The following XRCC4 variants were observed in gnomAD, a reference collection of about 807,000 sequenced individuals.
The protein encoded by XRCC4 is X-ray repair cross complementing 4, also known as DNA repair protein XRCC4.
In XRCC4, 28 loss-of-function variants were observed where a neutral mutation model predicts 39.1. The observed-to-expected ratio is 0.72, with a 90% CI of 0.53 to 0.98. The LOEUF (loss-of-function observed/expected upper bound fraction) is 0.98. Among genes scored for constraint, XRCC4 ranks in the 50% least tolerant of loss-of-function variants. The probability of loss-of-function intolerance (pLI) is 0.00; values close to 1 mark genes in which losing one functional copy is unlikely to be tolerated. For missense variants in XRCC4, 350 were observed against 376.4 expected, an observed-to-expected ratio of 0.93 and a Z score of 0.58; for synonymous variants, 123 against 126.4, an observed-to-expected ratio of 0.97 and a Z score of 0.18.
At chr5:83,212,699 A>G (rs1050140167) in intron 6 of XRCC4, among the ~76,000 whole-genome samples, 1 of 152,080 alleles carries the variant, frequency 6.6e-6, no homozygotes, top group Non-Finnish European at 1.5e-5. Context: ...AGGCTGAGGC[A>G]GGCAGAACAC....
intron 6 of XRCC4, among the ~76,000 whole-genome samples, chr5:83,234,290 T>C (rs1291725456): frequency 6.6e-6 from 1 of 152,230 alleles, no homozygotes; most frequent in Non-Finnish European, 1.5e-5. Context: ...AAAGGAATTA[T>C]ATAAGTGGCT....
Position 83,341,353 on chromosome 5 carries a change from C to T in XRCC4, c.894-11778C>T, listed in dbSNP as rs115222375. Among the ~76,000 whole-genome samples the T allele has an allele frequency of 5.6e-3, 850 of 152,214 alleles. 8 individuals are homozygous for T. The highest frequency in any genetic ancestry group is 0.02 in the African/African-American group (816 of 41,542). On this transcript the variant is annotated intron_variant, in intron 7 of 7. Coordinates refer to ENST00000396027, the MANE Select transcript of XRCC4 (RefSeq NM_003401.5). ...ACACATACACACATATATACATGCA[C>T]ATATGGTATAATGTATATACACACA...
chr5:83,325,822 AC>A (rs1316475977), intron 7 of XRCC4, among the ~76,000 whole-genome samples: 1 of 152,046 alleles, frequency 6.6e-6, no homozygotes, highest in Non-Finnish European at 1.5e-5. Context: ...AGATATATAT[AC>A]AGTAATGGGA....
chr5:83,091,347 T>C (rs1234683527), intron 1 of XRCC4, among the ~76,000 whole-genome samples: 48 of 152,146 alleles, frequency 3.2e-4, no homozygotes, highest in Admixed American at 3.1e-3. Flanking sequence ...ACTGCCAAAC[T>C]ATTAAAACCA....
the XRCC4 span, among the ~76,000 whole-genome samples, chr5:83,366,005 T>C: frequency 6.6e-6 from 1 of 152,192 alleles, no homozygotes; most frequent in Non-Finnish European, 1.5e-5. Context: ...CTCCTTCAGC[T>C]TATGCCCCCT....
intron 3 of XRCC4, among the ~76,000 whole-genome samples, chr5:83,191,141 G>T (rs1435187867): frequency 2.0e-5 from 3 of 152,158 alleles, no homozygotes; most frequent in Non-Finnish European, 4.4e-5. Flanking sequence ...TAAAGGGAAA[G>T]ACTACATTTC....
At chr5:83,088,954 A>G (rs1580199946) in intron 1 of XRCC4, among the ~76,000 whole-genome samples, 1 of 152,186 alleles carries the variant, frequency 6.6e-6, no homozygotes. Context: ...CAAAATTGAT[A>G]TTAAGTTGTA....
intron 1 of XRCC4, among the ~76,000 whole-genome samples, chr5:83,101,333 A>G (rs1224537970): frequency 2.0e-5 from 3 of 152,114 alleles, no homozygotes. Context: ...GCGTTACAGT[A>G]TTAGAACAAA....
At chr5:83,367,260 C>T in the XRCC4 span, among the ~76,000 whole-genome samples, 23 of 152,158 alleles carry the variant, frequency 1.5e-4, no homozygotes, top group Non-Finnish European at 2.8e-4. Flanking sequence ...GTCTAAAGTA[C>T]AACATCAGAC....
rs879084654 is a variant in XRCC4, at chr5:83,353,004, A to G, written c.894-127A>G. ...TCCTTATAGTTAATAGCATAGAGAA[A>G]TAAATCTCTAAACCAATTTGAAACA... On this transcript the variant is annotated intron_variant, in intron 7 of 7. Coordinates refer to ENST00000396027, the MANE Select transcript of XRCC4 (RefSeq NM_003401.5). The G allele has an allele frequency of 1.1e-4, 81 of 708,950 alleles. 1 individual carries two copies. In the South Asian group the frequency reaches 1.8e-3, roughly 15 times the overall value. 43.9% of individuals were successfully genotyped at this position (708,950 alleles called of 1,614,324 possible).
chr5:83,141,197 T>C (rs1748156044), intron 3 of XRCC4, among the ~76,000 whole-genome samples: 1 of 152,216 alleles, frequency 6.6e-6, no homozygotes, highest in Admixed American at 6.5e-5. Flanking sequence ...ATGTCAACTT[T>C]CAACAACCCT....
chr5:83,356,209 T>C (rs1344182520), downstream of XRCC4, among the ~76,000 whole-genome samples: 1 of 152,146 alleles, frequency 6.6e-6, no homozygotes, highest in Non-Finnish European at 1.5e-5. Context: ...ACCCTGTATC[T>C]TTCCAAAGTG....
intron 3 of XRCC4, among the ~76,000 whole-genome samples, chr5:83,134,509 C>G (rs1234881788): frequency 1.3e-5 from 2 of 152,162 alleles, no homozygotes; most frequent in African/African-American, 4.8e-5. Flanking sequence ...AGCACTCTCT[C>G]AAAACAGACC....
intron 6 of XRCC4, among the ~76,000 whole-genome samples, chr5:83,228,560 A>G (rs1752376409): frequency 6.6e-6 from 1 of 152,078 alleles, no homozygotes. Flanking sequence ...AAAGTTGGCC[A>G]TTAATTAATG....
the XRCC4 span, among the ~76,000 whole-genome samples, chr5:83,372,317 C>A: frequency 6.6e-6 from 1 of 152,118 alleles, no homozygotes. Context: ...GAAGTCATAA[C>A]CAACTTGTAG....
intron 6 of XRCC4, among the ~76,000 whole-genome samples, chr5:83,257,609 C>T (rs1433353483): frequency 6.6e-6 from 1 of 152,160 alleles, no homozygotes; most frequent in African/African-American, 2.4e-5. Context: ...TTAGTTCAAT[C>T]ATTGTGGAAG....
At chr5:83,172,481 A>C (rs1043303800) in intron 3 of XRCC4, among the ~76,000 whole-genome samples, 1 of 152,152 alleles carries the variant, frequency 6.6e-6, no homozygotes. Context: ...TTAACACATA[A>C]AAATGTAAAT....
intron 3 of XRCC4, among the ~76,000 whole-genome samples, chr5:83,176,770 C>T (rs773928086): frequency 3.9e-5 from 6 of 152,048 alleles, no homozygotes; most frequent in African/African-American, 9.6e-5. Flanking sequence ...TACAGGGGCA[C>T]GCCAGCACAC....
At chr5:83,232,688 G>A (rs1332992399) in intron 6 of XRCC4, among the ~76,000 whole-genome samples, 1 of 152,084 alleles carries the variant, frequency 6.6e-6, no homozygotes, top group Non-Finnish European at 1.5e-5. Context: ...AAATTAGGAT[G>A]ACTGGATCAT....
Sources: gnomAD v4.1 joint callset for allele counts (sites outside exome capture counted in the v4.1 genomes callset) on GRCh38, gnomAD v4.1.1 for gene constraint, MANE v1.5 for transcripts, NCBI Gene and HGNC (gene_info 2026-07-23, HGNC 2026-07-21) for gene names.